Variants in DRAM2 observed in about 807,000 individuals in gnomAD.
DRAM2 encodes the protein DNA damage regulated autophagy modulator 2, also known as DNA damage-regulated autophagy modulator protein 2.
A neutral mutation model predicts 33.5 loss-of-function variants in DRAM2; 26 were observed. The ratio of observed to expected loss-of-function variants is 0.78; its 90% confidence interval spans 0.57 to 1.08. The LOEUF is 1.08. Among genes scored for constraint, DRAM2 ranks in the 50% least tolerant of loss-of-function variants. The pLI is 0.00. For synonymous variants in DRAM2, 98 were observed against 109.5 expected (o/e 0.89, Z 0.66); for missense variants, 311 against 318.1 (o/e 0.98, Z 0.17).
Position 111,118,900 on chromosome 1 carries a change from G to A in DRAM2, c.601-3C>T, listed in dbSNP as rs1649443735. The stretch of plus-strand genomic sequence containing the variant: ...GTGATCATGTGAAGCACATAACCCT[G>A]AGTGATGGGAAAAAAAGAATAGTTT... On this transcript the variant is annotated splice_polypyrimidine_tract_variant and splice_region_variant and intron_variant, in intron 8 of 9. Transcript: ENST00000484310. 6.3e-7 allele frequency: 1 copy of A among 1,590,856 alleles called. No homozygotes were observed. The highest frequency in any genetic ancestry group is 8.6e-7 in the Non-Finnish European group (1 of 1,166,816).
At chr1:111,136,258 T>C (rs1022540238) in intron 3 of DRAM2, among the ~76,000 whole-genome samples, 1 of 152,148 alleles carries the variant, frequency 6.6e-6, no homozygotes, top group African/African-American at 2.4e-5. Context: ...TGAACCAGTT[T>C]CTCCTTTGAA....
intron 3 of DRAM2, among the ~76,000 whole-genome samples, chr1:111,132,731 G>A (rs910804170): frequency 6.6e-6 from 1 of 150,718 alleles, no homozygotes; most frequent in African/African-American, 2.4e-5. Flanking sequence ...GCCCAGGCTG[G>A]AGTGCAGTGG....
chr1:111,120,587 T>G lies in DRAM2; in HGVS notation c.446A>C (p.Lys149Thr), dbSNP rs1557883636. ...QTILSYQMQP[K>T]IHGKQVFWIR... The stretch of plus-strand genomic sequence containing the variant: ...CCAGAAGACTTGTTTGCCATGGATT[T>G]TGGGCTGCATTTGGTAGGAAAGGAT... Residue 149 changes from lysine (K) to threonine (T), a missense_variant, in exon 7 of 10, where the codon AAA becomes ACA. Lys to Thr is a moderately conservative substitution (Grantham distance 78). Coordinates refer to ENST00000484310, the MANE Select transcript of DRAM2 (RefSeq NM_001349884.2). 1.2e-6 allele frequency: 2 copies of G among 1,612,114 alleles called. No homozygotes were observed. Among genetic ancestry groups the G allele is most frequent in the Non-Finnish European group, 1.7e-6 (2 of 1,178,904 alleles).
At chr1:111,137,274 AT>A (rs1195322525) in intron 3 of DRAM2, among the ~76,000 whole-genome samples, 4 of 150,600 alleles carry the variant, frequency 2.7e-5, no homozygotes, top group Admixed American at 1.3e-4. Flanking sequence ...AAAAAAAAAA[AT>A]TTCCATGATT....
At chr1:111,124,675 G>C in intron 6 of DRAM2, 67 bp downstream of exon 6, 3 of 1,527,316 alleles carry the variant, frequency 2.0e-6, no homozygotes, top group Non-Finnish European at 2.7e-6. Flanking sequence ...GAATGCTTCA[G>C]GTTTCCCTTT....
At chr1:111,125,557 CAAGAGATATGCTTGT>C (rs1475784776) in intron 5 of DRAM2, 1 of 152,064 alleles carries the variant, frequency 6.6e-6, no homozygotes, top group Non-Finnish European at 1.5e-5. Flanking sequence ...GAAAGCAATA[CAAGAGATATGCTTGT>C]AAAGACATGT....
intron 3 of DRAM2, among the ~76,000 whole-genome samples, chr1:111,132,682 C>CTT (rs4021039): frequency 5.1e-5 from 7 of 138,044 alleles, no homozygotes; most frequent in Non-Finnish European, 9.4e-5. Flanking sequence ...TTTTCTTCCT[C>CTT]TTTTTTTTTT....
Position 111,120,579 on chromosome 1 carries a change from C to A in DRAM2, c.454G>T (p.Gly152Cys). Residue 152 changes from glycine to cysteine, a missense_variant, in exon 7 of 10, where the codon GGC becomes TGC. Physicochemically the swap from Gly to Cys is radical, Grantham distance 159 (BLOSUM62 -3). Transcript: ENST00000484310. The part of the protein sequence containing the change: ...LSYQMQPKIH[G>C]KQVFWIRLLL... ...AGTCTGATCCAGAAGACTTGTTTGC[C>A]ATGGATTTTGGGCTGCATTTGGTAG... The A allele has an allele frequency of 6.2e-7, 1 of 1,612,116 alleles. No individual in the cohort carries two copies. The highest frequency in any genetic ancestry group is 8.5e-7 in the Non-Finnish European group (1 of 1,178,910).
chr1:111,126,163 T>C, intron 5 of DRAM2, 64 bp downstream of exon 5: 1 of 1,036,770 alleles, frequency 9.6e-7, no homozygotes, highest in Non-Finnish European at 1.5e-6. Flanking sequence ...CACTCCAGTG[T>C]TGAAAGAAGA....
intron 3 of DRAM2, among the ~76,000 whole-genome samples, chr1:111,137,251 C>CA (rs71580572): frequency 0.3 from 20,292 of 66,862 alleles, 2,457 homozygotes; most frequent in East Asian, 0.37. Context: ...GATTCCATCT[C>CA]AAAAAAAAAA....
chr1:111,123,499 G>T (rs529373707), intron 6 of DRAM2, among the ~76,000 whole-genome samples: 1 of 152,208 alleles, frequency 6.6e-6, no homozygotes, highest in Admixed American at 6.5e-5. Flanking sequence ...CAGTTTAGCC[G>T]TAATCATCCA....
rs12092972 is a variant in DRAM2 at position 111,136,305 on chromosome 1, G to A, written c.-15+1218C>T. On this transcript the variant is annotated intron_variant, in intron 3 of 9. Transcript: ENST00000484310. Reference sequence around the variant, plus strand: ...TGTGAGGCTGGGTGCGGTGGCTCAGGCCTGTAATCCAGCACTTTGGGAGGC... The same window carrying A: ...TGTGAGGCTGGGTGCGGTGGCTCAGACCTGTAATCCAGCACTTTGGGAGGC... Among the ~76,000 whole-genome samples, 894 of 152,256 alleles carry A rather than the reference G, an allele frequency of 5.9e-3. 12 individuals carry two copies. The highest frequency in any genetic ancestry group is 0.02 in the African/African-American group (848 of 41,546).
At chr1:111,130,136 T>A (rs1369927509) in intron 4 of DRAM2, among the ~76,000 whole-genome samples, 1 of 152,242 alleles carries the variant, frequency 6.6e-6, no homozygotes, top group Non-Finnish European at 1.5e-5. Context: ...CTACCCATTC[T>A]TCATTCGTTG....
chr1:111,119,971 T>C lies in DRAM2; in HGVS notation c.518-12A>G, dbSNP rs1205988600. The C allele has an allele frequency of 6.2e-7, 1 of 1,609,212 alleles. No individual in the cohort carries two copies. Among genetic ancestry groups the C allele is most frequent in the Non-Finnish European group, 8.5e-7 (1 of 1,176,428 alleles). On this transcript the variant is annotated splice_polypyrimidine_tract_variant and intron_variant, in intron 7 of 9. Transcript: ENST00000484310. ...TGAGCAAGTCAGCACTATAAAAACATAAGTCAAGGAAGAATCTCAGAGACG... is the reference window on the plus strand; with the variant it reads ...TGAGCAAGTCAGCACTATAAAAACACAAGTCAAGGAAGAATCTCAGAGACG...
chr1:111,133,798 T>TA (rs1239155031), intron 3 of DRAM2, among the ~76,000 whole-genome samples: 2 of 152,246 alleles, frequency 1.3e-5, no homozygotes, highest in Non-Finnish European at 2.9e-5. Flanking sequence ...TCATGCTCTC[T>TA]AGCACACCTT....
intron 4 of DRAM2, among the ~76,000 whole-genome samples, chr1:111,130,880 G>A (rs552758669): frequency 2.2e-4 from 34 of 151,164 alleles, no homozygotes; most frequent in Non-Finnish European, 3.8e-4. Flanking sequence ...AGTGATGCAC[G>A]CCTGTAATCC....
At chr1:111,128,134 C>CTTTTTTTTTTTTTT (rs35509678) in intron 4 of DRAM2, 9 of 102,288 alleles carry the variant, frequency 8.8e-5, no homozygotes, top group South Asian at 3.2e-4. Context: ...TTCTTCGTTT[C>CTTTTTTTTTTTTTT]TTTTTTTTTT....
intron 4 of DRAM2, among the ~76,000 whole-genome samples, chr1:111,129,321 T>G (rs1181806154): frequency 2.6e-5 from 4 of 152,190 alleles, no homozygotes; most frequent in Admixed American, 2.6e-4. Context: ...AGACAGATGT[T>G]TCAAAAGCAT....
At chr1:111,126,534 T>C (rs1254691787) in intron 4 of DRAM2, among the ~76,000 whole-genome samples, 1 of 152,156 alleles carries the variant, frequency 6.6e-6, no homozygotes, top group African/African-American at 2.4e-5. Flanking sequence ...GAAATCAATA[T>C]ATATTGATTT....
Sources: gnomAD v4.1 joint callset for allele counts (sites outside exome capture counted in the v4.1 genomes callset) on GRCh38, gnomAD v4.1.1 for gene constraint, MANE v1.5 for transcripts, NCBI Gene and HGNC (gene_info 2026-07-23, HGNC 2026-07-21) for gene names.